MSH4: variants seen among roughly 807,000 people sequenced by gnomAD.
MSH4 encodes the protein mutS protein homolog 4.
Under a neutral mutation model 113.7 loss-of-function variants are expected in MSH4, and 106 were observed. The ratio of observed to expected loss-of-function variants is 0.93; its 90% CI spans 0.80 to 1.10. The LOEUF is 1.10. Among genes scored for constraint, MSH4 ranks in the 50% least tolerant of loss-of-function variants. The probability of loss-of-function intolerance (pLI) is 0.00; values close to 1 mark genes in which losing one functional copy is unlikely to be tolerated. For missense variants in MSH4, 1,061 were observed against 1,093.7 expected, an observed-to-expected ratio of 0.97 and a Z score of 0.42; for synonymous variants, 368 against 380.2, an observed-to-expected ratio of 0.97 and a Z score of 0.37.
chr1:75,854,381 T>A (rs760979225), intron 8 of MSH4, among the ~76,000 whole-genome samples: 5 of 152,112 alleles, frequency 3.3e-5, no homozygotes, highest in African/African-American at 7.2e-5. Flanking sequence ...GAAATCCTTC[T>A]CACCTCTCTC....
At chr1:75,875,800 T>G (rs1651805334) in intron 9 of MSH4, among the ~76,000 whole-genome samples, 2 of 146,304 alleles carry the variant, frequency 1.4e-5, no homozygotes, top group South Asian at 2.2e-4. Context: ...GTATGTCAGG[T>G]TTTTTTTTTA....
At chr1:75,833,038 A>G (rs551788820) in intron 7 of MSH4, among the ~76,000 whole-genome samples, 9 of 152,330 alleles carry the variant, frequency 5.9e-5, no homozygotes, top group Admixed American at 2.6e-4. Flanking sequence ...AGAAAAACCC[A>G]TCGTCTCAGC....
intron 1 of MSH4, among the ~76,000 whole-genome samples, chr1:75,801,481 T>C (rs745750882): frequency 6.6e-6 from 1 of 151,494 alleles, no homozygotes; most frequent in Non-Finnish European, 1.5e-5. Context: ...GGCAGGAGGA[T>C]TGCTTGAACC....
chr1:75,808,862 G>A (rs2100508007), intron 3 of MSH4, among the ~76,000 whole-genome samples: 1 of 152,198 alleles, frequency 6.6e-6, no homozygotes, highest in East Asian at 1.9e-4. Flanking sequence ...ATTGTCATGG[G>A]AATTTGCATG....
chr1:75,829,959 G>C (rs1650644882), intron 7 of MSH4, among the ~76,000 whole-genome samples: 2 of 152,130 alleles, frequency 1.3e-5, no homozygotes, highest in Admixed American at 6.5e-5. Context: ...AGAGAATAAG[G>C]CTTCAGACGA....
chr1:75,909,882 T>G (rs1652751067), intron 19 of MSH4, among the ~76,000 whole-genome samples: 1 of 152,046 alleles, frequency 6.6e-6, no homozygotes. Context: ...AATATTTCTG[T>G]TTTTCTTCCA....
chr1:75,886,781 A>G (rs1652131905), intron 15 of MSH4, among the ~76,000 whole-genome samples: 1 of 140,438 alleles, frequency 7.1e-6, no homozygotes, highest in Non-Finnish European at 1.5e-5. Context: ...TAGTTATTAT[A>G]CCTTATATAT....
intron 9 of MSH4, among the ~76,000 whole-genome samples, chr1:75,871,953 G>A (rs964979883): frequency 1.3e-5 from 2 of 152,130 alleles, no homozygotes; most frequent in African/African-American, 2.4e-5. Context: ...TATCAGTTGA[G>A]CATCCCTAAC....
At position 75,881,303 on chromosome 1, in the gene MSH4, A is replaced by C. The variant is rs766869422; in HGVS notation, c.1839A>C (p.Leu613=). Residue 613 remains leucine (L), a synonymous_variant, in exon 14 of 20, where the codon CTA becomes CTC. Transcript: ENST00000263187. ...IYEHIHCLYK[L]SDTVSMLDML... is the part of the protein sequence containing the mutation. Reference sequence around the variant, plus strand: ...AACATATTCATTGCTTATATAAACTATCTGACACTGTGTCAATGCTGGATA... The same window carrying C: ...AACATATTCATTGCTTATATAAACTCTCTGACACTGTGTCAATGCTGGATA... The C allele has an allele frequency of 1.9e-6, 3 of 1,610,912 alleles. 1 individual carries two copies. Among genetic ancestry groups the C allele is most frequent in the Non-Finnish European group, 2.5e-6 (3 of 1,177,820 alleles).
At chr1:75,835,289 A>G (rs1650803610) in intron 7 of MSH4, among the ~76,000 whole-genome samples, 1 of 152,180 alleles carries the variant, frequency 6.6e-6, no homozygotes, top group African/African-American at 2.4e-5. Context: ...AATGTTGTCC[A>G]GTATATTCTT....
At chr1:75,850,488 C>G (rs1651160971) in intron 8 of MSH4, among the ~76,000 whole-genome samples, 1 of 151,972 alleles carries the variant, frequency 6.6e-6, no homozygotes, top group Non-Finnish European at 1.5e-5. Context: ...TTATTGGTTT[C>G]TAATTTAATT....
At chr1:75,819,298 G>A (rs1650356783) in intron 6 of MSH4, among the ~76,000 whole-genome samples, 1 of 152,072 alleles carries the variant, frequency 6.6e-6, no homozygotes, top group South Asian at 2.1e-4. Context: ...TTTGAGACCA[G>A]CCTGGTCGCC....
chr1:75,810,412 ATTTTTT>A (rs760146124), intron 3 of MSH4, among the ~76,000 whole-genome samples: 2 of 104,528 alleles, frequency 1.9e-5, no homozygotes, highest in African/African-American at 3.9e-5. Flanking sequence ...TAATTTTTGT[ATTTTTT>A]TTTTTTTTTT....
intron 7 of MSH4, among the ~76,000 whole-genome samples, chr1:75,826,903 C>T: frequency 6.6e-6 from 1 of 152,068 alleles, no homozygotes; most frequent in African/African-American, 2.4e-5. Context: ...AGAATAAGTG[C>T]TATGTGGTGC....
intron 7 of MSH4, among the ~76,000 whole-genome samples, chr1:75,841,656 A>G (rs1650961852): frequency 6.6e-6 from 1 of 152,128 alleles, no homozygotes; most frequent in South Asian, 2.1e-4. Context: ...CCTTCAGGCA[A>G]TATGGAGCTG....
At chr1:75,799,509 A>G (rs1236184758) in intron 1 of MSH4, among the ~76,000 whole-genome samples, 1 of 152,230 alleles carries the variant, frequency 6.6e-6, no homozygotes, top group Non-Finnish European at 1.5e-5. Context: ...AAGTGGGAAA[A>G]GACATTTCAC....
intron 7 of MSH4, among the ~76,000 whole-genome samples, chr1:75,840,929 C>T (rs1650946030): frequency 6.6e-6 from 1 of 152,018 alleles, no homozygotes. Context: ...GGGATAAAGA[C>T]AGAATCCAGA....
At chr1:75,906,025 C>T (rs573877481) in intron 19 of MSH4, among the ~76,000 whole-genome samples, 6 of 151,938 alleles carry the variant, frequency 3.9e-5, no homozygotes, top group African/African-American at 1.4e-4. Context: ...GAGTTTTGCT[C>T]TGTCACCCAG....
chr1:75,880,158 G>A lies in MSH4; in HGVS notation c.1781+5G>A. 7.0e-7 allele frequency: 1 copy of A among 1,428,074 alleles called. No individual in the cohort carries two copies. The highest frequency in any genetic ancestry group is 9.7e-7 in the Non-Finnish European group (1 of 1,030,022). The allele number at this position is 1,428,074 out of a possible 1,614,324, so 88.5% of individuals were successfully genotyped here. ...AATCTATCACATGACTTATATGTAAGAGCATTTGAAGTATTTGAATATTGA... is the reference window on the plus strand; with the variant it reads ...AATCTATCACATGACTTATATGTAAAAGCATTTGAAGTATTTGAATATTGA... On this transcript the variant is annotated splice_donor_5th_base_variant and intron_variant, in intron 13 of 19. Transcript: ENST00000263187.
Sources: allele counts gnomAD v4.1 joint callset (sites outside exome capture counted in the v4.1 genomes callset), GRCh38; gene constraint gnomAD v4.1.1; transcripts MANE v1.5; gene names NCBI Gene and HGNC (gene_info 2026-07-23, HGNC 2026-07-21).